KIAA1958: variants seen among roughly 807,000 people sequenced by gnomAD.
KIAA1958 encodes the protein uncharacterized protein KIAA1958.
KIAA1958 carries 14 observed loss-of-function variants against 47.2 expected under a neutral mutation model. The ratio of observed to expected loss-of-function variants is 0.30; its 90% confidence interval spans 0.20 to 0.46. KIAA1958 has a LOEUF of 0.46. Among genes scored for constraint, KIAA1958 ranks in the 20% least tolerant of loss-of-function variants. The pLI is 1.00. For missense variants in KIAA1958, 803 were observed against 909.2 expected (o/e 0.88, Z 1.50); for synonymous variants, 354 against 353.3 (o/e 1.00, Z -0.02).
chr9:112,583,835 G>A (rs899106215), intron 2 of KIAA1958, among the ~76,000 whole-genome samples: 6 of 152,118 alleles, frequency 3.9e-5, no homozygotes, highest in African/African-American at 1.4e-4. Context: ...CTTCGAGGAG[G>A]GGGTAATGGA....
intron 2 of KIAA1958, among the ~76,000 whole-genome samples, chr9:112,592,079 T>C (rs1835932799): frequency 6.6e-6 from 1 of 152,048 alleles, no homozygotes; most frequent in African/African-American, 2.4e-5. Flanking sequence ...GGGTGAGTGG[T>C]TTGGTAGGAG....
intron 2 of KIAA1958, among the ~76,000 whole-genome samples, chr9:112,624,838 T>C (rs1254730429): frequency 1.3e-5 from 2 of 152,182 alleles, no homozygotes; most frequent in Admixed American, 1.3e-4. Flanking sequence ...GTCTTTGTTG[T>C]ATTATTAGTC....
At chr9:112,519,762 T>G (rs145837635) in intron 1 of KIAA1958, among the ~76,000 whole-genome samples, 159 of 152,352 alleles carry the variant, frequency 1.0e-3, no homozygotes, top group African/African-American at 3.7e-3. Context: ...GAAATGCTGA[T>G]GTACCTTTTG....
At chr9:112,537,507 T>C (rs993543211) in intron 1 of KIAA1958, among the ~76,000 whole-genome samples, 1 of 152,228 alleles carries the variant, frequency 6.6e-6, no homozygotes, top group Non-Finnish European at 1.5e-5. Context: ...ATAGAAAATA[T>C]GCTCTCAAAA....
At chr9:112,582,118 T>A (rs1835746336) in intron 2 of KIAA1958, 1 of 160,268 alleles carries the variant, frequency 6.2e-6, no homozygotes, top group Non-Finnish European at 1.4e-5. Flanking sequence ...AGGAAAGGCG[T>A]GACAGTCACA....
chr9:112,540,520 G>A (rs554259184), intron 1 of KIAA1958, among the ~76,000 whole-genome samples: 1 of 152,060 alleles, frequency 6.6e-6, no homozygotes, highest in Admixed American at 6.5e-5. Context: ...AAAATCGGGG[G>A]TAAAAACTCC....
In KIAA1958 at chr9:112,631,042, A is replaced by C. The variant is rs77923501; in HGVS notation, c.1172-14608A>C. Among the ~76,000 whole-genome samples, 605 of 152,348 alleles carry C rather than the reference A, an allele frequency of 4.0e-3. 27 individuals carry two copies. In the East Asian group the frequency reaches 0.097, roughly 24 times the overall value. The stretch of plus-strand genomic sequence containing the variant: ...GTTGAGTAGTAACTACAAATCAAAT[A>C]ATGTTTTCCTTTTTAAAAGTCTTAT... On this transcript the variant is annotated intron_variant, in intron 2 of 3. Transcript: ENST00000337530.
In KIAA1958 at chr9:112,659,434, T is replaced by A; in HGVS notation, c.1516T>A (p.Ser506Thr). Reference protein sequence around the residue: ...FSITSSTFSSSTKKLKEKLWV... With the variant: ...FSITSSTFSSTTKKLKEKLWV... ...CATCACCAGCAGCACCTTCAGCTCC[T>A]CCACCAAGAAACTCAAGGAGAAGCT... The change falls in exon 4 of 4, where the codon TCC (serine) becomes ACC (threonine). Residue 506 changes from serine to threonine, a missense_variant. Ser to Thr is a moderately conservative substitution (Grantham distance 58). Around this residue, in one of 2 missense-constraint regions of KIAA1958, gnomAD observed 761 missense variants for 829.3 expected, o/e 0.92. Transcript: ENST00000337530. 1.2e-6 allele frequency: 2 copies of A among 1,614,098 alleles called. No homozygotes were observed. Among genetic ancestry groups the A allele is most frequent in the Non-Finnish European group, 8.5e-7 (1 of 1,179,998 alleles).
chr9:112,638,376 C>T (rs922968503), intron 2 of KIAA1958, among the ~76,000 whole-genome samples: 4 of 151,946 alleles, frequency 2.6e-5, no homozygotes, highest in Non-Finnish European at 5.9e-5. Flanking sequence ...GTTGTGCATG[C>T]AGGTAGTCCT....
At chr9:112,627,551 C>T (rs1432408216) in intron 2 of KIAA1958, among the ~76,000 whole-genome samples, 2 of 152,074 alleles carry the variant, frequency 1.3e-5, no homozygotes, top group African/African-American at 4.8e-5. Flanking sequence ...ATCAGGAGTT[C>T]GAGGCCAGCC....
chr9:112,599,679 T>G (rs903915810), intron 2 of KIAA1958, among the ~76,000 whole-genome samples: 1 of 152,222 alleles, frequency 6.6e-6, no homozygotes, highest in African/African-American at 2.4e-5. Flanking sequence ...ACATCTATAA[T>G]GAATCCATGT....
chr9:112,577,949 A>T (rs139228908), intron 2 of KIAA1958, among the ~76,000 whole-genome samples: 2 of 152,162 alleles, frequency 1.3e-5, no homozygotes, highest in African/African-American at 4.8e-5. Flanking sequence ...TCAGAGGAGG[A>T]TTAGTTTGGC....
intron 2 of KIAA1958, among the ~76,000 whole-genome samples, chr9:112,638,274 G>A (rs1836839397): frequency 6.6e-6 from 1 of 152,162 alleles, no homozygotes; most frequent in African/African-American, 2.4e-5. Context: ...GTAGGCTGAG[G>A]CAGGCAAATC....
At chr9:112,623,045 T>C (rs1278494094) in intron 2 of KIAA1958, among the ~76,000 whole-genome samples, 1 of 152,248 alleles carries the variant, frequency 6.6e-6, no homozygotes, top group Non-Finnish European at 1.5e-5. Flanking sequence ...TATCCATTAT[T>C]TATTCATTGA....
At chr9:112,534,996 G>C (rs1423378980) in intron 1 of KIAA1958, among the ~76,000 whole-genome samples, 2 of 152,106 alleles carry the variant, frequency 1.3e-5, no homozygotes, top group African/African-American at 4.8e-5. Context: ...AATAAAAATT[G>C]TATATATTTA....
At chr9:112,569,420 A>G (rs1835492285) in intron 1 of KIAA1958, among the ~76,000 whole-genome samples, 1 of 152,216 alleles carries the variant, frequency 6.6e-6, no homozygotes, top group South Asian at 2.1e-4. Context: ...TTCAGGCAAT[A>G]TGGCTTTAAT....
At chr9:112,497,419 G>T (rs748799366) in intron 1 of KIAA1958, among the ~76,000 whole-genome samples, 19 of 152,164 alleles carry the variant, frequency 1.2e-4, no homozygotes, top group Admixed American at 2.6e-4. Context: ...GAAGGAAACA[G>T]CAAGGAGGAG....
intron 1 of KIAA1958, among the ~76,000 whole-genome samples, chr9:112,520,377 G>T (rs549954266): frequency 7.1e-4 from 108 of 152,272 alleles, no homozygotes; most frequent in African/African-American, 2.5e-3. Flanking sequence ...TATCATGTCT[G>T]ATAAAGCAAC....
At chr9:112,564,732 A>C (rs943352821) in intron 1 of KIAA1958, among the ~76,000 whole-genome samples, 1 of 152,236 alleles carries the variant, frequency 6.6e-6, no homozygotes, top group Non-Finnish European at 1.5e-5. Context: ...TTACAAATTC[A>C]ACTTAAATCT....
Sources: allele counts gnomAD v4.1 joint callset (sites outside exome capture counted in the v4.1 genomes callset), GRCh38; gene constraint gnomAD v4.1.1; regional missense constraint gnomAD v4.1.1; transcripts MANE v1.5; gene names NCBI Gene and HGNC (gene_info 2026-07-23, HGNC 2026-07-21).